C19orf38: variants seen among roughly 807,000 people sequenced by gnomAD.
The protein encoded by C19orf38 is protein HIDE1.
Under a neutral mutation model 26.6 loss-of-function variants are expected in C19orf38, and 14 were observed. That is an observed-to-expected ratio of 0.53 (90% CI 0.35 to 0.82). The LOEUF (loss-of-function observed/expected upper bound fraction) is 0.82, where lower values mean the gene tolerates loss of function less well. Among genes scored for constraint, C19orf38 ranks in the 40% least tolerant of loss-of-function variants. The pLI is 0.01. For missense variants in C19orf38, 261 were observed against 299.5 expected (o/e 0.87, Z 0.95); for synonymous variants, 132 against 128.5 (o/e 1.03, Z -0.18).
At chr19:10,867,257 T>TTGATG (rs369517934) in intron 6 of C19orf38, among the ~76,000 whole-genome samples, 32,380 of 151,700 alleles carry the variant, frequency 0.21, 3,692 homozygotes, top group Middle Eastern at 0.31. Flanking sequence ...ACTGGCCTGT[T>TTGATG]TCGCTGAGCT....
intron 2 of C19orf38, among the ~76,000 whole-genome samples, chr19:10,854,676 C>T (rs374252458): frequency 8.4e-4 from 127 of 152,026 alleles, no homozygotes; most frequent in African/African-American, 2.9e-3. Flanking sequence ...GAAGGGGAAG[C>T]GAAGTCTTGT....
intron 2 of C19orf38, among the ~76,000 whole-genome samples, chr19:10,853,266 T>C (rs1361955243): frequency 6.6e-6 from 1 of 151,914 alleles, no homozygotes; most frequent in Admixed American, 6.6e-5. Context: ...ACTCACTCTG[T>C]CGCCCAGGCT....
chr19:10,836,862 C>T (rs1452448257), intron 1 of C19orf38: 1 of 152,252 alleles, frequency 6.6e-6, no homozygotes, highest in African/African-American at 2.4e-5. Flanking sequence ...GCTTTCCTGG[C>T]TTATAGACAG....
chr19:10,860,391 G>A (rs2073685148), intron 5 of C19orf38, among the ~76,000 whole-genome samples: 1 of 151,714 alleles, frequency 6.6e-6, no homozygotes, highest in Non-Finnish European at 1.5e-5. Context: ...AAAATTAGCA[G>A]GGTGTGGTGG....
chr19:10,861,350 A>G (rs1400448021), intron 5 of C19orf38, among the ~76,000 whole-genome samples: 2 of 152,208 alleles, frequency 1.3e-5, no homozygotes, highest in Non-Finnish European at 1.5e-5. Flanking sequence ...GTCATGCAGG[A>G]TATTCTCTTG....
chr19:10,859,328 G>GTA (rs1443029300), intron 4 of C19orf38, among the ~76,000 whole-genome samples: 2 of 115,726 alleles, frequency 1.7e-5, no homozygotes, highest in African/African-American at 6.4e-5. Flanking sequence ...GTGTGTGTAT[G>GTA]TATGTGTGTG....
exon 1 of C19orf38, chr19:10,836,703 T>C (rs1291797623): frequency 6.5e-6 from 1 of 153,628 alleles, no homozygotes; most frequent in Non-Finnish European, 1.5e-5. Flanking sequence ...GTGTTTTGCT[T>C]GCTCTGTGAG....
intron 2 of C19orf38, among the ~76,000 whole-genome samples, chr19:10,851,052 A>G (rs2073567180): frequency 6.6e-6 from 1 of 151,914 alleles, no homozygotes; most frequent in African/African-American, 2.4e-5. Flanking sequence ...TTGGCCACAT[A>G]CTTTTTTTGT....
chr19:10,860,112 C>T, intron 5 of C19orf38, 154 bp downstream of exon 5: 1 of 748,578 alleles, frequency 1.3e-6, no homozygotes, highest in East Asian at 2.8e-5. Flanking sequence ...TGGGTTCTCA[C>T]CTTCTCTCCT....
chr19:10,851,734 C>T (rs1212716938), intron 2 of C19orf38, among the ~76,000 whole-genome samples: 4 of 151,456 alleles, frequency 2.6e-5, no homozygotes, highest in African/African-American at 7.3e-5. Flanking sequence ...TTTGGGAGGC[C>T]GAGGCGGGTG....
At chr19:10,839,731 CTT>C (rs1235370560) in intron 1 of C19orf38, among the ~76,000 whole-genome samples, 37 of 132,308 alleles carry the variant, frequency 2.8e-4, no homozygotes, top group Middle Eastern at 4.0e-3. Context: ...TTCTTTTGTT[CTT>C]TTTTTTTTTT....
chr19:10,858,387 G>C (rs751481054), intron 4 of C19orf38, 44 bp downstream of exon 4: 3 of 1,512,348 alleles, frequency 2.0e-6, no homozygotes, highest in Admixed American at 2.1e-5. Flanking sequence ...TTTGGGGAAA[G>C]AAGGACACTT....
intron 2 of C19orf38, among the ~76,000 whole-genome samples, chr19:10,855,222 G>A (rs1303182188): frequency 1.3e-5 from 2 of 151,708 alleles, no homozygotes; most frequent in African/African-American, 2.4e-5. Flanking sequence ...TAGTAGAGAC[G>A]AGGTTTCACT....
intron 6 of C19orf38, among the ~76,000 whole-genome samples, chr19:10,863,925 C>G (rs907758481): frequency 2.0e-5 from 3 of 151,992 alleles, no homozygotes; most frequent in African/African-American, 7.2e-5. Flanking sequence ...AACAAACAAA[C>G]AGATAAAAAT....
At chr19:10,864,919 G>A (rs2073737302) in intron 6 of C19orf38, among the ~76,000 whole-genome samples, 1 of 152,168 alleles carries the variant, frequency 6.6e-6, no homozygotes, top group African/African-American at 2.4e-5. Flanking sequence ...TCAGGAGAGA[G>A]GTCAGTTCTA....
chr19:10,842,361 C>T (rs1172426283), intron 1 of C19orf38: 5 of 564,528 alleles, frequency 8.9e-6, no homozygotes, highest in Non-Finnish European at 1.6e-5. Flanking sequence ...CCCGGGTTCA[C>T]ACCATTCTCC....
At chr19:10,855,017 T>C (rs1382382089) in intron 2 of C19orf38, among the ~76,000 whole-genome samples, 2 of 150,778 alleles carry the variant, frequency 1.3e-5, no homozygotes, top group Non-Finnish European at 3.0e-5. Flanking sequence ...CCCTGAAGCT[T>C]CAGATATATA....
intron 5 of C19orf38, among the ~76,000 whole-genome samples, chr19:10,860,840 C>CAAA (rs60601259): frequency 9.4e-5 from 4 of 42,642 alleles, no homozygotes; most frequent in South Asian, 8.4e-4. Flanking sequence ...GACTCCATCT[C>CAAA]AAAAAAAAAA....
rs532415860 is a variant in C19orf38, at chr19:10,863,283, C to T, written c.543+76C>T. On this transcript the variant is annotated intron_variant, in intron 6 of 6. Transcript: ENST00000397820. Reference sequence around the variant, plus strand: ...GAGAACGGGGCGGGCTCAAGGGGCACCACGAGGCTAAGTTGACCTGCTGTC... The same window carrying T: ...GAGAACGGGGCGGGCTCAAGGGGCATCACGAGGCTAAGTTGACCTGCTGTC... The T allele has an allele frequency of 2.2e-5, 33 of 1,469,794 alleles. No individual in the cohort carries two copies. In the Admixed American group the frequency reaches 2.6e-4, roughly 11 times the overall value. The allele number at this position is 1,469,794 out of a possible 1,614,324, so 91.0% of individuals were successfully genotyped here. A position where few individuals can be genotyped will look rare whatever the true frequency, so the allele number is the denominator to read the frequency against.
Sources: gnomAD v4.1 joint callset for allele counts (sites outside exome capture counted in the v4.1 genomes callset) on GRCh38, gnomAD v4.1.1 for gene constraint, MANE v1.5 for transcripts, NCBI Gene and HGNC (gene_info 2026-07-23, HGNC 2026-07-21) for gene names.